SLC13A3: variants seen among roughly 807,000 people sequenced by gnomAD.
SLC13A3 encodes the protein Na(+)/dicarboxylate cotransporter 3.
A neutral mutation model predicts 59.0 loss-of-function variants in SLC13A3; 40 were observed. The observed-to-expected ratio is 0.68, with a 90% CI of 0.53 to 0.88. SLC13A3 has a LOEUF of 0.88. Ranked by LOEUF, SLC13A3 falls within the 40% of genes least tolerant of loss-of-function variation. The probability of loss-of-function intolerance (pLI) is 0.00; values close to 1 mark genes in which losing one functional copy is unlikely to be tolerated. For synonymous variants in SLC13A3, 317 were observed against 330.3 expected (o/e 0.96, Z 0.44); for missense variants, 699 against 783.2 (o/e 0.89, Z 1.28).
At chr20:46,651,063 GA>G (rs1209988688) in intron 1 of SLC13A3, among the ~76,000 whole-genome samples, 5 of 152,128 alleles carry the variant, frequency 3.3e-5, no homozygotes, top group Non-Finnish European at 5.9e-5. Flanking sequence ...GAAACGAAAC[GA>G]AATTATTCCC....
intron 1 of SLC13A3, among the ~76,000 whole-genome samples, chr20:46,662,552 G>T (rs536258194): frequency 6.6e-6 from 1 of 152,178 alleles, no homozygotes; most frequent in Non-Finnish European, 1.5e-5. Context: ...ATTACAAAAA[G>T]GAAGTAAGCA....
At chr20:46,617,394 G>A (rs1190277134) in intron 1 of SLC13A3, among the ~76,000 whole-genome samples, 3 of 152,028 alleles carry the variant, frequency 2.0e-5, no homozygotes, top group East Asian at 1.9e-4. Flanking sequence ...GAGGCTTAGG[G>A]AAGATGATTG....
Position 46,575,146 on chromosome 20 carries a change from A to AG in SLC13A3, c.1332+426_1332+427insC, listed in dbSNP as rs2062062768. Among the ~76,000 whole-genome samples, 3 of 152,092 alleles carry AG rather than the reference A, an allele frequency of 2.0e-5. No homozygotes were observed. In the East Asian group the frequency reaches 5.8e-4, roughly 30 times the overall value. On this transcript the variant is annotated intron_variant, in intron 10 of 12. Transcript: ENST00000279027. ...ACAGAGTGAAACTCTGTCTCAAAAA[A>AG]AGAGAGAGAAAAAAAGAGAGAGGGT... is the stretch of plus-strand genomic sequence containing the variant.
At chr20:46,612,701 T>G (rs2062511607) in intron 2 of SLC13A3, among the ~76,000 whole-genome samples, 1 of 152,080 alleles carries the variant, frequency 6.6e-6, no homozygotes, top group South Asian at 2.1e-4. Flanking sequence ...TCTGGGAAGA[T>G]CCTTAAGATT....
At chr20:46,618,800 C>T (rs1400598962) in intron 1 of SLC13A3, among the ~76,000 whole-genome samples, 2 of 152,196 alleles carry the variant, frequency 1.3e-5, no homozygotes, top group East Asian at 1.9e-4. Context: ...CTCCGTCTCT[C>T]GCTTCAGTGC....
intron 2 of SLC13A3, among the ~76,000 whole-genome samples, chr20:46,612,978 C>T (rs1268643670): frequency 6.6e-6 from 1 of 152,200 alleles, no homozygotes; most frequent in Non-Finnish European, 1.5e-5. Flanking sequence ...ATTGCCTGCT[C>T]AGGTCCAGGG....
chr20:46,611,879 T>C (rs1340385270), intron 2 of SLC13A3, among the ~76,000 whole-genome samples: 1 of 152,188 alleles, frequency 6.6e-6, no homozygotes, highest in African/African-American at 2.4e-5. Context: ...TAGAACCCTT[T>C]AAAGCACAGA....
At chr20:46,673,069 G>T (rs1408594056), upstream of SLC13A3, among the ~76,000 whole-genome samples, 1 of 152,136 alleles carries the variant, frequency 6.6e-6, no homozygotes, top group South Asian at 2.1e-4. Context: ...TGTGCACCTG[G>T]TGGGCTCATA....
chr20:46,652,019 T>C (rs1180695881), upstream of SLC13A3, among the ~76,000 whole-genome samples: 2 of 152,198 alleles, frequency 1.3e-5, no homozygotes, highest in African/African-American at 2.4e-5. Context: ...TTTTCACTTA[T>C]AAGCGGGAGC....
chr20:46,615,530 G>T (rs953548119), intron 1 of SLC13A3, among the ~76,000 whole-genome samples: 4 of 152,152 alleles, frequency 2.6e-5, no homozygotes, highest in Non-Finnish European at 5.9e-5. Context: ...TAGGTAGTGA[G>T]AAGTAGTTGA....
intron 10 of SLC13A3, among the ~76,000 whole-genome samples, chr20:46,569,322 T>G (rs1368098222): frequency 6.6e-6 from 1 of 152,108 alleles, no homozygotes; most frequent in Non-Finnish European, 1.5e-5. Flanking sequence ...ATTGGAAGCT[T>G]TGTTTCCTTG....
upstream of SLC13A3, among the ~76,000 whole-genome samples, chr20:46,674,339 T>C (rs1218230467): frequency 6.6e-6 from 1 of 152,118 alleles, no homozygotes. Context: ...CAGTTTGGCC[T>C]TGTGGGGCCT....
chr20:46,566,845 A>G (rs1208198846), intron 10 of SLC13A3, among the ~76,000 whole-genome samples: 3 of 150,464 alleles, frequency 2.0e-5, no homozygotes, highest in Non-Finnish European at 4.4e-5. Context: ...TGAAATATAT[A>G]TACAAGACTT....
At chr20:46,605,089 T>G (rs1394895745) in intron 3 of SLC13A3, among the ~76,000 whole-genome samples, 1 of 152,190 alleles carries the variant, frequency 6.6e-6, no homozygotes, top group African/African-American at 2.4e-5. Flanking sequence ...AGAGCCCTGA[T>G]AAGAGATTGT....
intron 1 of SLC13A3, among the ~76,000 whole-genome samples, chr20:46,619,423 T>A (rs1268386048): frequency 6.6e-6 from 1 of 152,232 alleles, no homozygotes; most frequent in African/African-American, 2.4e-5. Flanking sequence ...TCAAACTTCA[T>A]CAGCTTTCAC....
At chr20:46,684,468 C>T (rs1276201782), upstream of SLC13A3, 1 of 152,224 alleles carries the variant, frequency 6.6e-6, no homozygotes, top group Non-Finnish European at 1.5e-5. Context: ...CACCCTTCTC[C>T]ACGTGGCAGC....
chr20:46,662,743 A>G (rs912779391), intron 1 of SLC13A3, among the ~76,000 whole-genome samples: 12 of 152,018 alleles, frequency 7.9e-5, no homozygotes, highest in Non-Finnish European at 4.4e-5. Flanking sequence ...TTGAGACAGC[A>G]CTCTTTTGCT....
At chr20:46,589,328 C>T in intron 6 of SLC13A3, 73 bp from the exon 7 acceptor site, 1 of 1,242,112 alleles carries the variant, frequency 8.1e-7, no homozygotes, top group Admixed American at 1.8e-5. Context: ...ACAAGCACCA[C>T]CACCTGACCA....
At chr20:46,608,522 C>A (rs556731992) in intron 3 of SLC13A3, among the ~76,000 whole-genome samples, 25 of 152,314 alleles carry the variant, frequency 1.6e-4, no homozygotes, top group African/African-American at 6.0e-4. Context: ...GACTCTGCCA[C>A]TTTGCCAATG....
Sources: allele counts gnomAD v4.1 joint callset (sites outside exome capture counted in the v4.1 genomes callset), GRCh38; gene constraint gnomAD v4.1.1; transcripts MANE v1.5; gene names NCBI Gene and HGNC (gene_info 2026-07-23, HGNC 2026-07-21).